RFX7: variants seen among roughly 807,000 people sequenced by gnomAD.
The protein encoded by RFX7 is regulatory factor X7.
RFX7 carries 26 observed loss-of-function variants against 111.8 expected under a neutral mutation model. That is an observed-to-expected ratio of 0.23 (90% CI 0.17 to 0.32). The LOEUF (loss-of-function observed/expected upper bound fraction) is 0.32, where lower values mean the gene tolerates loss of function less well. RFX7 is among the 10% of genes least tolerant of loss of function. The pLI, the probability that RFX7 is intolerant of heterozygous loss-of-function variation, is 1.00. For missense variants in RFX7, 1,573 were observed against 1,772.9 expected, an observed-to-expected ratio of 0.89 and a Z score of 2.02; for synonymous variants, 624 against 624.4, an observed-to-expected ratio of 1.00 and a Z score of 0.01.
intron 2 of RFX7, among the ~76,000 whole-genome samples, chr15:56,205,506 C>A (rs1161382309): frequency 6.6e-6 from 1 of 152,228 alleles, no homozygotes; most frequent in African/African-American, 2.4e-5. Flanking sequence ...TTTACCCTTT[C>A]ACTCTCATTA....
At chr15:56,174,584 T>C (rs1249361881) in intron 3 of RFX7, among the ~76,000 whole-genome samples, 1 of 151,772 alleles carries the variant, frequency 6.6e-6, no homozygotes, top group East Asian at 1.9e-4. Context: ...CTGTCTCTAC[T>C]AAAAATACAA....
chr15:56,151,874 C>T (rs1265335677), intron 3 of RFX7, among the ~76,000 whole-genome samples: 2 of 151,920 alleles, frequency 1.3e-5, no homozygotes, highest in African/African-American at 4.8e-5. Flanking sequence ...ATCCACCAAG[C>T]AAATGGAAAG....
intron 2 of RFX7, among the ~76,000 whole-genome samples, chr15:56,239,154 G>C (rs1433812773): frequency 1.3e-5 from 2 of 151,908 alleles, no homozygotes; most frequent in Admixed American, 6.6e-5. Context: ...TTATTATTTT[G>C]GATTTTGGAA....
intron 2 of RFX7, among the ~76,000 whole-genome samples, chr15:56,180,731 C>T (rs1328794187): frequency 1.4e-5 from 2 of 146,494 alleles, no homozygotes; most frequent in Admixed American, 1.4e-4. Flanking sequence ...CACGGTAAAA[C>T]CCCATATCTA....
rs191060273 is a variant in RFX7 at position 56,215,833 on chromosome 15, T to C, written c.161+27292A>G. Reference sequence around the variant, plus strand: ...AGGAGTCACTGAGGTGGGTGGGTTCTGTCTAACAGTCTATCCCGAGGTTTC... The same window carrying C: ...AGGAGTCACTGAGGTGGGTGGGTTCCGTCTAACAGTCTATCCCGAGGTTTC... On this transcript the variant is annotated intron_variant, in intron 2 of 9. Transcript: ENST00000559447. 3.0e-3 allele frequency among the ~76,000 whole-genome samples: 451 copies of C among 152,334 alleles called. 1 individual carries two copies. Among genetic ancestry groups the C allele is most frequent in the Non-Finnish European group, 4.1e-3 (282 of 68,038 alleles).
At chr15:56,106,484 TA>T (rs1228457958) in intron 5 of RFX7, among the ~76,000 whole-genome samples, 5 of 152,186 alleles carry the variant, frequency 3.3e-5, no homozygotes, top group African/African-American at 4.8e-5. Flanking sequence ...ATACCTAGAA[TA>T]GGTTCTCAAT....
chr15:56,240,150 T>C (rs1383021048), intron 2 of RFX7, among the ~76,000 whole-genome samples: 1 of 151,676 alleles, frequency 6.6e-6, no homozygotes, highest in African/African-American at 2.4e-5. Flanking sequence ...GGAATTCTAC[T>C]TTTTAGAAAA....
upstream of RFX7, among the ~76,000 whole-genome samples, chr15:56,245,010 T>G (rs1234877660): frequency 6.6e-6 from 1 of 152,172 alleles, no homozygotes; most frequent in Non-Finnish European, 1.5e-5. Context: ...TTTGGGCCCG[T>G]GGGTGTTATG....
chr15:56,092,172 A>T lies in RFX7; in HGVS notation c.*1173T>A, dbSNP rs774531693. ...TGTGGTTATCACAATAAATAAATTA[A>T]GCAAGTAATAAAATGCTCTTCTTCT... On this transcript the variant is annotated 3_prime_UTR_variant, in exon 10 of 10. Coordinates refer to ENST00000559447, the MANE Select transcript of RFX7 (RefSeq NM_022841.7). 2.0e-5 allele frequency: 3 copies of T among 152,590 alleles called. No homozygotes were observed. The highest frequency in any genetic ancestry group is 2.9e-5 in the Non-Finnish European group (2 of 67,986). 9.5% of individuals were successfully genotyped at this position (152,590 alleles called of 1,614,324 possible). A position where few individuals can be genotyped will look rare whatever the true frequency, so the allele number is the denominator to read the frequency against.
At chr15:56,097,344 CCTGTAT>C (rs2041692674) in intron 9 of RFX7, among the ~76,000 whole-genome samples, 1 of 152,062 alleles carries the variant, frequency 6.6e-6, no homozygotes. Context: ...AGGTTCTAGT[CCTGTAT>C]CTGATAAGCC....
chr15:56,143,326 T>G (rs2042426923), intron 4 of RFX7, among the ~76,000 whole-genome samples: 1 of 146,406 alleles, frequency 6.8e-6, no homozygotes, highest in South Asian at 2.2e-4. Flanking sequence ...TATATACACA[T>G]GTATACACAT....
chr15:56,243,790 G>GCCGCCGCCGCCGCCGCTCGCTCCCGGCC lies in RFX7; in HGVS notation c.-376_-349dup, dbSNP rs1337556055. Reference sequence around the variant, plus strand: ...ACCGCTCCACGCCACTCCCCACGCCGCCGCCGCCGCCGCCGCTCGCTCCCG... The same window carrying GCCGCCGCCGCCGCCGCTCGCTCCCGGCC: ...ACCGCTCCACGCCACTCCCCACGCCGCCGCCGCCGCCGCCGCTCGCTCCCGGCCCCGCCGCCGCCGCCGCTCGCTCCCG... On this transcript the variant is annotated 5_prime_UTR_variant, in exon 1 of 10. Transcript: ENST00000559447. Among the ~76,000 whole-genome samples, 4 of 147,922 alleles carry GCCGCCGCCGCCGCCGCTCGCTCCCGGCC rather than the reference G, an allele frequency of 2.7e-5. No individual in the cohort carries two copies. Among genetic ancestry groups the GCCGCCGCCGCCGCCGCTCGCTCCCGGCC allele is most frequent in the Non-Finnish European group, 6.0e-5 (4 of 66,324 alleles).
intron 2 of RFX7, among the ~76,000 whole-genome samples, chr15:56,216,264 A>G (rs1243964853): frequency 2.6e-5 from 4 of 152,178 alleles, no homozygotes; most frequent in Admixed American, 2.6e-4. Flanking sequence ...TTACAAAACT[A>G]TGGTGATTTG....
Position 56,093,715 on chromosome 15 carries a change from T to G in RFX7, c.4013A>C (p.Glu1338Ala), listed in dbSNP as rs560393604. 6.2e-7 allele frequency: 1 copy of G among 1,613,804 alleles called. No individual in the cohort carries two copies. Among genetic ancestry groups the G allele is most frequent in the Non-Finnish European group, 8.5e-7 (1 of 1,179,694 alleles). ...FSPGDNQAQSEIGEQQLDFNS... is the reference protein window; with the variant it reads ...FSPGDNQAQSAIGEQQLDFNS... ...GAAATCTAATTGTTGCTCTCCAATT[T>G]CTGATTGTGCTTGATTATCTCCAGG... The change falls in exon 10 of 10, where the codon GAA (glutamate) becomes GCA (alanine). Residue 1338 changes from glutamate (E) to alanine (A), a missense_variant. Physicochemically the swap from Glu to Ala is moderately radical, Grantham distance 107 (BLOSUM62 -1). Coordinates refer to ENST00000559447, the MANE Select transcript of RFX7 (RefSeq NM_022841.7).
intron 3 of RFX7, among the ~76,000 whole-genome samples, chr15:56,162,354 A>C (rs1363192373): frequency 6.6e-6 from 1 of 152,090 alleles, no homozygotes; most frequent in African/African-American, 2.4e-5. Flanking sequence ...AAATGACTTA[A>C]AGTGCAAAGA....
intron 2 of RFX7, among the ~76,000 whole-genome samples, chr15:56,239,980 ATTTCTTTTTT>A (rs746532832): frequency 9.7e-6 from 1 of 103,596 alleles, no homozygotes; most frequent in Non-Finnish European, 2.0e-5. Flanking sequence ...TTGCTTTGGT[ATTTCTTTTTT>A]TTTTTTTTTT....
intron 2 of RFX7, among the ~76,000 whole-genome samples, chr15:56,209,968 T>G (rs1005430201): frequency 1.3e-5 from 2 of 152,042 alleles, no homozygotes; most frequent in Admixed American, 1.3e-4. Context: ...TGATAAATAT[T>G]AATCCAACTA....
At chr15:56,181,464 C>T (rs567399999) in intron 2 of RFX7, among the ~76,000 whole-genome samples, 168 of 152,210 alleles carry the variant, frequency 1.1e-3, no homozygotes, top group African/African-American at 4.0e-3. Flanking sequence ...CAGCTATCTT[C>T]CTTGACTAGA....
In RFX7 at chr15:56,111,644, TAAAAAAATAAATAAACCAAAA is replaced by T. The variant is rs1244158688; in HGVS notation, c.402-7995_402-7975del. Reference sequence around the variant, plus strand: ...GCGAGAAACACCCAAGAATGATCAATAAAAAAATAAATAAACCAAAAAAAAAAAAAAAAAAACCAAAAAAAC... The same window carrying T: ...GCGAGAAACACCCAAGAATGATCAATAAAAAAAAAAAAAAACCAAAAAAAC... On this transcript the variant is annotated intron_variant, in intron 5 of 9. Coordinates refer to ENST00000559447, the MANE Select transcript of RFX7 (RefSeq NM_022841.7). Among the ~76,000 whole-genome samples the T allele has an allele frequency of 3.6e-4, 6 of 16,736 alleles. No homozygotes were observed. In the Admixed American group the frequency reaches 4.2e-3, roughly 12 times the overall value. 11.0% of individuals were successfully genotyped at this position (16,736 alleles called of 152,430 possible).
Sources: allele counts gnomAD v4.1 joint callset (sites outside exome capture counted in the v4.1 genomes callset), GRCh38; gene constraint gnomAD v4.1.1; transcripts MANE v1.5; gene names NCBI Gene and HGNC (gene_info 2026-07-23, HGNC 2026-07-21).